CR1L: variants seen among roughly 807,000 people sequenced by gnomAD.
CR1L encodes the protein complement C3b/C4b receptor 1 like.
CR1L carries 59 observed loss-of-function variants against 62.3 expected under a neutral mutation model. The observed-to-expected ratio is 0.95, with a 90% CI of 0.77 to 1.18. The LOEUF (loss-of-function observed/expected upper bound fraction) is 1.18, where lower values mean the gene tolerates loss of function less well. Ranked by LOEUF, CR1L falls within the 50% of genes most tolerant of loss-of-function variation. CR1L has a pLI of 0.00. For synonymous variants in CR1L, 279 were observed against 248.7 expected (o/e 1.12, Z -1.15); for missense variants, 700 against 702.8 (o/e 1.00, Z 0.04).
At chr1:207,667,887 A>C (rs1310260259) in intron 1 of CR1L, among the ~76,000 whole-genome samples, 1 of 151,204 alleles carries the variant, frequency 6.6e-6, no homozygotes, top group Non-Finnish European at 1.5e-5. Flanking sequence ...TCAAAAGAAG[A>C]CATAGAAATG....
At chr1:207,701,131 A>G (rs1473617022) in intron 8 of CR1L, among the ~76,000 whole-genome samples, 3 of 152,252 alleles carry the variant, frequency 2.0e-5, no homozygotes, top group African/African-American at 7.2e-5. Flanking sequence ...ATGGGAAAAT[A>G]AATAATAAAT....
chr1:207,647,805 C>A (rs963869838), intron 1 of CR1L, among the ~76,000 whole-genome samples: 2 of 152,138 alleles, frequency 1.3e-5, no homozygotes, highest in African/African-American at 2.4e-5. Context: ...GCAGGGCTTC[C>A]AGTACTTCAG....
At chr1:207,679,906 C>T (rs1663767625) in intron 3 of CR1L, among the ~76,000 whole-genome samples, 1 of 151,906 alleles carries the variant, frequency 6.6e-6, no homozygotes, top group African/African-American at 2.4e-5. Flanking sequence ...CTGGAAAAGG[C>T]AAAACTATAG....
rs771379796 is a variant in CR1L at position 207,717,649 on chromosome 1, T to C, written c.1600T>C (p.Trp534Arg). The C allele has an allele frequency of 6.2e-7, 1 of 1,614,004 alleles. No individual in the cohort carries two copies. The change falls in exon 11 of 12, where the codon TGG (tryptophan) becomes CGG (arginine). Residue 534 changes from tryptophan to arginine, a missense_variant. Transcript: ENST00000508064. ...AAGTGAACCTCATGGGAATGGGGTT[T>C]GGAGCAGCCCTGCCCCTCGCTGTGA... ...RTSEPHGNGV[W>R]SSPAPRCELP...
At chr1:207,659,449 G>C (rs1571644899) in intron 1 of CR1L, among the ~76,000 whole-genome samples, 1 of 152,224 alleles carries the variant, frequency 6.6e-6, no homozygotes, top group Non-Finnish European at 1.5e-5. Flanking sequence ...CAGCAATCTT[G>C]TTTAAATTTA....
intron 1 of CR1L, among the ~76,000 whole-genome samples, chr1:207,670,601 G>A (rs1447384251): frequency 2.0e-5 from 3 of 150,864 alleles, no homozygotes; most frequent in Non-Finnish European, 4.4e-5. Flanking sequence ...CTCAGGGTTC[G>A]TCCTTCTCTG....
chr1:207,690,390 G>C (rs543614749), intron 4 of CR1L, among the ~76,000 whole-genome samples: 35 of 152,216 alleles, frequency 2.3e-4, no homozygotes, highest in African/African-American at 8.4e-4. Flanking sequence ...AGATCTTCTA[G>C]TTATCATTCT....
chr1:207,696,486 A>G (rs114383449), intron 5 of CR1L, among the ~76,000 whole-genome samples: 5,846 of 152,288 alleles, frequency 0.038, 178 homozygotes, highest in South Asian at 0.12. Context: ...GTGTGAGGCT[A>G]GGGGCCAACA....
intron 2 of CR1L, 65 bp downstream of exon 2, chr1:207,677,633 T>C: frequency 6.4e-7 from 1 of 1,552,302 alleles, no homozygotes; most frequent in Non-Finnish European, 8.7e-7. Context: ...ATTCAATTTG[T>C]TCAAATTTTG....
chr1:207,679,153 A>ATTTTTTTTTTTT (rs34703217), intron 3 of CR1L, among the ~76,000 whole-genome samples: 237 of 90,288 alleles, frequency 2.6e-3, no homozygotes, highest in Middle Eastern at 7.8e-3. Context: ...GCCCACCACC[A>ATTTTTTTTTTTT]TTTTTTTTTT....
rs762354350 is a variant in CR1L, at chr1:207,699,055, C to T, written c.1143-134C>T. 2.7e-4 allele frequency: 292 copies of T among 1,084,014 alleles called. 3 individuals carry two copies. Among genetic ancestry groups the T allele is most frequent in the East Asian group, 3.4e-4 (14 of 40,960 alleles). The allele number at this position is 1,084,014 out of a possible 1,614,324, so 67.1% of individuals were successfully genotyped here. A position where few individuals can be genotyped will look rare whatever the true frequency, so the allele number is the denominator to read the frequency against. ...GGAGGCTGTGATTTTTCCAGAATAA[C>T]GTAGCCTGTGCAACTCTGCCACCTG... On this transcript the variant is annotated intron_variant, in intron 7 of 11. Coordinates refer to ENST00000508064, the MANE Select transcript of CR1L (RefSeq NM_175710.2).
chr1:207,670,830 T>C (rs1250975181), intron 1 of CR1L, among the ~76,000 whole-genome samples: 1 of 151,220 alleles, frequency 6.6e-6, no homozygotes, highest in African/African-American at 2.5e-5. Context: ...CAGTGCTTAC[T>C]GAGGTTCTCA....
chr1:207,647,707 A>G (rs1195369889), intron 1 of CR1L, among the ~76,000 whole-genome samples: 3 of 152,206 alleles, frequency 2.0e-5, no homozygotes, highest in Non-Finnish European at 2.9e-5. Context: ...AGCTATGCTC[A>G]GGATGGTCTT....
At chr1:207,696,572 C>A (rs1203818195) in intron 5 of CR1L, among the ~76,000 whole-genome samples, 1 of 152,164 alleles carries the variant, frequency 6.6e-6, no homozygotes, top group Non-Finnish European at 1.5e-5. Flanking sequence ...GGGTGATGAG[C>A]CCTGAAAATG....
intron 1 of CR1L, chr1:207,669,641 C>CGCTGG (rs1663579295): frequency 1.1e-6 from 1 of 878,352 alleles, no homozygotes. Flanking sequence ...TCGCGTGCCG[C>CGCTGG]GCTGGGCTGC....
At chr1:207,710,247 G>T (rs969390152) in intron 10 of CR1L, 3 of 603,240 alleles carry the variant, frequency 5.0e-6, no homozygotes, top group South Asian at 1.9e-5. Flanking sequence ...GGGAGGTTGA[G>T]GGGGGAGGAT....
chr1:207,678,147 A>C, intron 2 of CR1L, 51 bp from the exon 3 acceptor site: 7 of 1,556,474 alleles, frequency 4.5e-6, no homozygotes, highest in Non-Finnish European at 6.2e-6. Context: ...TGTACTAAAA[A>C]AAAATTCAGT....
chr1:207,656,163 G>A (rs1571643409), intron 1 of CR1L, among the ~76,000 whole-genome samples: 1 of 152,126 alleles, frequency 6.6e-6, no homozygotes. Flanking sequence ...GCGTGAACCC[G>A]GGAGGCGGAG....
intron 3 of CR1L, among the ~76,000 whole-genome samples, chr1:207,682,712 C>A (rs773423265): frequency 3.3e-5 from 5 of 152,186 alleles, no homozygotes; most frequent in Non-Finnish European, 7.4e-5. Context: ...GACATTGCTT[C>A]ATTCATGTAT....
Sources: gnomAD v4.1 joint callset for allele counts (sites outside exome capture counted in the v4.1 genomes callset) on GRCh38, gnomAD v4.1.1 for gene constraint, MANE v1.5 for transcripts, NCBI Gene and HGNC (gene_info 2026-07-23, HGNC 2026-07-21) for gene names.